The following KPNA5 variants were observed in gnomAD, a reference collection of about 807,000 sequenced individuals.
KPNA5 encodes importin subunit alpha-6.
A neutral mutation model predicts 71.3 loss-of-function variants in KPNA5; 46 were observed. That is an observed-to-expected ratio of 0.65 (90% CI 0.51 to 0.83). The LOEUF (loss-of-function observed/expected upper bound fraction) is 0.83. Ranked by LOEUF, KPNA5 falls within the 40% of genes least tolerant of loss-of-function variation. The pLI, the probability that KPNA5 is intolerant of heterozygous loss-of-function variation, is 0.00. For missense variants in KPNA5, 547 were observed against 628.3 expected (o/e 0.87, Z 1.38); for synonymous variants, 207 against 201.4 (o/e 1.03, Z -0.24).
chr6:116,718,273 T>C (rs1233373656), intron 8 of KPNA5, among the ~76,000 whole-genome samples: 1 of 150,434 alleles, frequency 6.6e-6, no homozygotes, highest in African/African-American at 2.4e-5. Flanking sequence ...TTTCTTTTTT[T>C]TTTTTTTGAG....
Position 116,735,606 on chromosome 6 carries a change from C to G in KPNA5, c.*3283C>G, listed in dbSNP as rs1779643993. 1 of 151,552 alleles carries G rather than the reference C, an allele frequency of 6.6e-6. No individual in the cohort carries two copies. The highest frequency in any genetic ancestry group is 6.6e-5 in the Admixed American group (1 of 15,166). 9.4% of individuals were successfully genotyped at this position (151,552 alleles called of 1,614,324 possible). On this transcript the variant is annotated 3_prime_UTR_variant, in exon 14 of 14. Coordinates refer to ENST00000368564, the MANE Select transcript of KPNA5 (RefSeq NM_001366306.2). Reference sequence around the variant, plus strand: ...TGCAATATTATGAAATGTTACAACACTATATTAAAAATAATAAAATATTTT... The same window carrying G: ...TGCAATATTATGAAATGTTACAACAGTATATTAAAAATAATAAAATATTTT...
At chr6:116,726,291 T>C (rs1452857902) in intron 11 of KPNA5, among the ~76,000 whole-genome samples, 1 of 151,978 alleles carries the variant, frequency 6.6e-6, no homozygotes, top group Non-Finnish European at 1.5e-5. Context: ...ATTTTGCTAT[T>C]CTCCAGTCTT....
intron 13 of KPNA5, 45 bp downstream of exon 13, chr6:116,729,786 T>G (rs764031330): frequency 1.7e-6 from 2 of 1,189,572 alleles, no homozygotes; most frequent in South Asian, 5.7e-5. Context: ...AGTTCTTATA[T>G]CTGTCATACT....
At chr6:116,691,875 C>T (rs964268665) in intron 2 of KPNA5, among the ~76,000 whole-genome samples, 180 bp from the exon 3 acceptor site, 2 of 152,188 alleles carry the variant, frequency 1.3e-5, no homozygotes, top group Admixed American at 6.5e-5. Flanking sequence ...AGAAATTTGA[C>T]TTCTCATAAA....
intron 7 of KPNA5, 45 bp downstream of exon 7, chr6:116,705,205 T>C (rs893782870): frequency 1.5e-6 from 2 of 1,350,730 alleles, no homozygotes; most frequent in Non-Finnish European, 2.1e-6. Context: ...AACTATATAC[T>C]CCATGATATT....
chr6:116,681,641 C>T, intron 1 of KPNA5: 1 of 822,620 alleles, frequency 1.2e-6, no homozygotes. Flanking sequence ...CTCGGTAGTT[C>T]TTTTCAGTTA....
intron 7 of KPNA5, among the ~76,000 whole-genome samples, chr6:116,710,889 A>G (rs959178072): frequency 2.9e-5 from 2 of 68,824 alleles, no homozygotes; most frequent in African/African-American, 2.0e-4. Flanking sequence ...ATATATATAT[A>G]TATATTTTTT....
rs1777338151 is a variant in KPNA5 at position 116,681,228 on chromosome 6, G to A, written c.-107G>A. 2 of 1,492,204 alleles carry A rather than the reference G, an allele frequency of 1.3e-6. No individual in the cohort carries two copies. The highest frequency in any genetic ancestry group is 1.8e-6 in the Non-Finnish European group (2 of 1,081,438). The allele number at this position is 1,492,204 out of a possible 1,614,324, so 92.4% of individuals were successfully genotyped here. A position where few individuals can be genotyped will look rare whatever the true frequency, so the allele number is the denominator to read the frequency against. On this transcript the variant is annotated 5_prime_UTR_variant, in exon 1 of 14. Transcript: ENST00000368564. ...TGGCCGCCATCTTGGATTGCGAACT[G>A]GGTCGCTACGCTTCACGCCAGGGGC...
chr6:116,711,865 C>T lies in KPNA5; in HGVS notation c.657-4354C>T, dbSNP rs534772114. 2.0e-5 allele frequency among the ~76,000 whole-genome samples: 3 copies of T among 152,320 alleles called. No individual in the cohort carries two copies. In the South Asian group the frequency reaches 6.2e-4, roughly 32 times the overall value. On this transcript the variant is annotated intron_variant, in intron 7 of 13. Coordinates refer to ENST00000368564, the MANE Select transcript of KPNA5 (RefSeq NM_001366306.2). ...TCAAATCCCTGCCTCACGTGAGCCA[C>T]CTGCCTTGGTCTCCCGAAGTGTTGG...
At chr6:116,722,008 AT>A in intron 8 of KPNA5, 117 bp from the exon 9 acceptor site, 1 of 656,856 alleles carries the variant, frequency 1.5e-6, no homozygotes, top group Non-Finnish European at 2.4e-6. Context: ...AACAATATAA[AT>A]TTTCTGGTAT....
intron 8 of KPNA5, among the ~76,000 whole-genome samples, chr6:116,721,816 A>G (rs1414309757): frequency 6.6e-6 from 1 of 152,190 alleles, no homozygotes; most frequent in African/African-American, 2.4e-5. Context: ...ACTTAACTGG[A>G]ACATTTGAAC....
Position 116,726,570 on chromosome 6 carries a change from G to A in KPNA5, c.1201G>A (p.Ala401Thr). ...QKAEFRTRKE[A>T]AWAITNATSG... ...AGCAGAGTTTCGTACCAGAAAAGAA[G>A]CAGCTTGGGCTATAACTAATGCAAC... Residue 401 changes from alanine to threonine, a missense_variant, in exon 12 of 14, where the codon GCA becomes ACA. Transcript: ENST00000368564. 2.5e-6 allele frequency: 4 copies of A among 1,612,504 alleles called. No homozygotes were observed. The highest frequency in any genetic ancestry group is 3.4e-6 in the Non-Finnish European group (4 of 1,179,126).
At position 116,702,100 on chromosome 6, in the gene KPNA5, C is replaced by A. The variant is rs201921590; in HGVS notation, c.517C>A (p.Pro173Thr). The change falls in exon 6 of 14, where the codon CCG becomes ACG. Residue 173 changes from proline to threonine, a missense_variant. Coordinates refer to ENST00000368564, the MANE Select transcript of KPNA5 (RefSeq NM_001366306.2). Reference sequence around the variant, plus strand: ...GGTAGTGATTGAAACTGGGGCTGTTCCGATTTTTATCAAACTTCTTAATTC... The same window carrying A: ...GGTAGTGATTGAAACTGGGGCTGTTACGATTTTTATCAAACTTCTTAATTC... ...TKVVIETGAV[P>T]IFIKLLNSEH... The A allele has an allele frequency of 2.5e-6, 4 of 1,613,802 alleles. No homozygotes were observed. The highest frequency in any genetic ancestry group is 2.2e-5 in the East Asian group (1 of 44,804).
intron 7 of KPNA5, among the ~76,000 whole-genome samples, chr6:116,714,984 C>T (rs1778829676): frequency 6.6e-6 from 1 of 152,138 alleles, no homozygotes; most frequent in African/African-American, 2.4e-5. Context: ...GGTTAAAATG[C>T]CGCAAAGCTT....
intron 8 of KPNA5, among the ~76,000 whole-genome samples, chr6:116,719,033 C>T (rs1458708682): frequency 6.6e-6 from 1 of 152,208 alleles, no homozygotes; most frequent in African/African-American, 2.4e-5. Flanking sequence ...ATCTGTCCAT[C>T]TCAGCCTCCC....
chr6:116,684,087 A>G (rs969183783), intron 1 of KPNA5, among the ~76,000 whole-genome samples: 4 of 149,982 alleles, frequency 2.7e-5, no homozygotes, highest in Admixed American at 6.6e-5. Context: ...TGATTTTTGT[A>G]TTTTCAGTAG....
In KPNA5 at chr6:116,734,856, C is replaced by G. The variant is rs1376011652; in HGVS notation, c.*2533C>G. ...TTTCTAAGATTTGTTATATTTAAAT[C>G]CAAGAGAAACTATGCCGAAAAAAAG... On this transcript the variant is annotated 3_prime_UTR_variant, in exon 14 of 14. Transcript: ENST00000368564. 6.6e-6 allele frequency: 1 copy of G among 151,372 alleles called. No homozygotes were observed. The highest frequency in any genetic ancestry group is 1.5e-5 in the Non-Finnish European group (1 of 67,638). The allele number at this position is 151,372 out of a possible 1,614,324, so 9.4% of individuals were successfully genotyped here. A position where few individuals can be genotyped will look rare whatever the true frequency, so the allele number is the denominator to read the frequency against.
chr6:116,714,010 C>A (rs1012575157), intron 7 of KPNA5, among the ~76,000 whole-genome samples: 1 of 152,122 alleles, frequency 6.6e-6, no homozygotes, highest in African/African-American at 2.4e-5. Context: ...AATTTAAAAT[C>A]TTTGCATAGT....
chr6:116,716,196 C>T, intron 7 of KPNA5, 23 bp from the exon 8 acceptor site: 1 of 1,556,172 alleles, frequency 6.4e-7, no homozygotes, highest in Non-Finnish European at 8.8e-7. Context: ...GGTGATAATT[C>T]TTTTTTTTCT....
Sources: gnomAD v4.1 joint callset for allele counts (sites outside exome capture counted in the v4.1 genomes callset) on GRCh38, gnomAD v4.1.1 for gene constraint, MANE v1.5 for transcripts, NCBI Gene and HGNC (gene_info 2026-07-23, HGNC 2026-07-21) for gene names.